The following GPD2 variants were observed in gnomAD, a reference collection of about 807,000 sequenced individuals.
The protein encoded by GPD2 is glycerol-3-phosphate dehydrogenase 2.
In GPD2, 54 loss-of-function variants were observed where a neutral mutation model predicts 82.4. The ratio of observed to expected loss-of-function variants is 0.66; its 90% CI spans 0.53 to 0.82. The LOEUF (loss-of-function observed/expected upper bound fraction) is 0.82. Ranked by LOEUF, GPD2 falls within the 40% of genes least tolerant of loss-of-function variation. GPD2 has a pLI of 0.00. For missense variants in GPD2, 748 were observed against 896.2 expected, an observed-to-expected ratio of 0.83 and a Z score of 2.11; for synonymous variants, 288 against 306.1, an observed-to-expected ratio of 0.94 and a Z score of 0.62.
At position 156,451,743 on chromosome 2, in the gene GPD2, G is replaced by A. The variant is rs561185815; in HGVS notation, c.-9+15230G>A. 3.3e-3 allele frequency among the ~76,000 whole-genome samples: 485 copies of A among 146,164 alleles called. 2 individuals are homozygous for A. Among genetic ancestry groups the A allele is most frequent in the South Asian group, 8.1e-3 (37 of 4,574 alleles). ...GACGGGGCGGCTGGCCGGGCGGGGG[G>A]CTGACCCCCCCACCTCCCTCCCAGA... On this transcript the variant is annotated intron_variant, in intron 1 of 16. Transcript: ENST00000438166.
At position 156,579,313 on chromosome 2, in the gene GPD2, T is replaced by G; in HGVS notation, c.1959+149T>G. ...ATTAGTGAAAGCATATTTATAATTT[T>G]TTTTCTTTTTTCTTTCTTTTTTTTT... On this transcript the variant is annotated intron_variant, in intron 15 of 16. Coordinates refer to ENST00000438166, the MANE Select transcript of GPD2 (RefSeq NM_000408.5). The G allele has an allele frequency of 5.1e-6, 3 of 591,440 alleles. No individual in the cohort carries two copies. In the South Asian group the frequency reaches 6.6e-5, roughly 13 times the overall value. The allele number at this position is 591,440 out of a possible 1,614,324, so 36.6% of individuals were successfully genotyped here.
At chr2:156,403,185 C>T in the GPD2 span, among the ~76,000 whole-genome samples, 4 of 150,002 alleles carry the variant, frequency 2.7e-5, no homozygotes, top group African/African-American at 9.8e-5. Context: ...TAGTGGCCTA[C>T]CTAAAGGCCT....
the GPD2 span, among the ~76,000 whole-genome samples, chr2:156,403,221 A>G: frequency 6.6e-6 from 1 of 151,696 alleles, no homozygotes; most frequent in African/African-American, 2.4e-5. Flanking sequence ...TTTTCTTGCT[A>G]AAAGTCCATT....
intron 13 of GPD2, among the ~76,000 whole-genome samples, chr2:156,577,030 C>T (rs1174227950): frequency 6.6e-6 from 1 of 152,144 alleles, no homozygotes; most frequent in Non-Finnish European, 1.5e-5. Context: ...TGCACACATA[C>T]ACACACACAA....
chr2:156,474,860 A>T (rs901230953), intron 1 of GPD2, among the ~76,000 whole-genome samples: 1 of 151,976 alleles, frequency 6.6e-6, no homozygotes, highest in Non-Finnish European at 1.5e-5. Flanking sequence ...TCATGTTTGT[A>T]ATCCTAGCAC....
At chr2:156,466,767 A>G (rs899788191) in intron 1 of GPD2, among the ~76,000 whole-genome samples, 15 of 152,234 alleles carry the variant, frequency 9.9e-5, no homozygotes, top group Non-Finnish European at 1.8e-4. Flanking sequence ...AATTTTTTAT[A>G]AACAGAGACT....
At chr2:156,531,905 T>C (rs931207057) in intron 6 of GPD2, among the ~76,000 whole-genome samples, 3 of 152,182 alleles carry the variant, frequency 2.0e-5, no homozygotes, top group Non-Finnish European at 4.4e-5. Flanking sequence ...CTCAGGCCCC[T>C]GCCTACTCCA....
At chr2:156,480,432 T>G (rs1353603106) in intron 2 of GPD2, among the ~76,000 whole-genome samples, 1 of 151,818 alleles carries the variant, frequency 6.6e-6, no homozygotes, top group Non-Finnish European at 1.5e-5. Context: ...CGGCACTGTT[T>G]AACACTTTTT....
chr2:156,578,763 TA>T (rs1211152382), intron 13 of GPD2, 125 bp from the exon 14 acceptor site: 28 of 671,530 alleles, frequency 4.2e-5, no homozygotes, highest in Non-Finnish European at 2.7e-6. Flanking sequence ...CTGGAAGAAA[TA>T]AAAAAATTGT....
rs1688200002 is a variant in GPD2 at position 156,585,889 on chromosome 2, G to A, written c.*2971G>A. ...CAAGTGTAAGCTCAGTGCTAGAGTG[G>A]ATATACACACCGCATGTTTTCATAT... On this transcript the variant is annotated 3_prime_UTR_variant, in exon 17 of 17. Coordinates refer to ENST00000438166, the MANE Select transcript of GPD2 (RefSeq NM_000408.5). The A allele has an allele frequency of 6.6e-6, 1 of 152,410 alleles. No homozygotes were observed. Among genetic ancestry groups the A allele is most frequent in the African/African-American group, 2.4e-5 (1 of 41,400 alleles). 9.4% of individuals were successfully genotyped at this position (152,410 alleles called of 1,614,324 possible).
intron 1 of GPD2, among the ~76,000 whole-genome samples, chr2:156,449,516 C>A (rs2105151662): frequency 6.6e-6 from 1 of 152,070 alleles, no homozygotes; most frequent in South Asian, 2.1e-4. Flanking sequence ...TTTGGAGGGC[C>A]ACAGACAATT....
intron 1 of GPD2, among the ~76,000 whole-genome samples, chr2:156,471,518 C>T (rs1415645284): frequency 6.6e-6 from 1 of 152,174 alleles, no homozygotes; most frequent in East Asian, 1.9e-4. Context: ...TCTAGCTGTA[C>T]ATCATCTCCA....
chr2:156,534,821 A>G (rs1686001319), intron 6 of GPD2, among the ~76,000 whole-genome samples: 1 of 152,292 alleles, frequency 6.6e-6, no homozygotes, highest in East Asian at 1.9e-4. Flanking sequence ...AAAAAAAAAA[A>G]AACTCTAACA....
chr2:156,490,765 A>G (rs1396565328), intron 2 of GPD2, among the ~76,000 whole-genome samples: 1 of 152,202 alleles, frequency 6.6e-6, no homozygotes, highest in Non-Finnish European at 1.5e-5. Flanking sequence ...TAAAATGAAG[A>G]TCTTAGTAGT....
chr2:156,451,920 C>G (rs1331466726), intron 1 of GPD2, among the ~76,000 whole-genome samples: 17 of 128,360 alleles, frequency 1.3e-4, no homozygotes, highest in African/African-American at 4.8e-4. Flanking sequence ...CAGACGGGGT[C>G]GCGGCCGGGC....
rs1156957132 is a variant in GPD2, at chr2:156,549,489, T to C, written c.662-119T>C. The C allele has an allele frequency of 6.7e-6, 6 of 890,492 alleles. 1 individual carries two copies. The highest frequency in any genetic ancestry group is 5.3e-5 in the South Asian group (4 of 75,382). The allele number at this position is 890,492 out of a possible 1,614,324, so 55.2% of individuals were successfully genotyped here. A position where few individuals can be genotyped will look rare whatever the true frequency, so the allele number is the denominator to read the frequency against. On this transcript the variant is annotated intron_variant, in intron 6 of 16. Transcript: ENST00000438166. The stretch of plus-strand genomic sequence containing the variant: ...TGTGCCCTGTCAAGCTGCCCAGCCA[T>C]CATGCATATCCTGGGTGACAGGGAC...
chr2:156,542,310 T>C (rs1232955525), intron 6 of GPD2, among the ~76,000 whole-genome samples: 1 of 152,142 alleles, frequency 6.6e-6, no homozygotes, highest in African/African-American at 2.4e-5. Context: ...ATGATGCAGG[T>C]CACATCCTGT....
intron 6 of GPD2, among the ~76,000 whole-genome samples, chr2:156,514,717 C>T (rs1216387201): frequency 6.6e-6 from 1 of 152,094 alleles, no homozygotes; most frequent in African/African-American, 2.4e-5. Context: ...CTTAGGTAAA[C>T]ATTAAAAGCT....
intron 8 of GPD2, among the ~76,000 whole-genome samples, chr2:156,553,122 C>T (rs1686825907): frequency 6.6e-6 from 1 of 151,962 alleles, no homozygotes; most frequent in African/African-American, 2.4e-5. Flanking sequence ...CTCCTGGCCT[C>T]AAGTGATCTG....
Sources: allele counts gnomAD v4.1 joint callset (sites outside exome capture counted in the v4.1 genomes callset), GRCh38; gene constraint gnomAD v4.1.1; transcripts MANE v1.5; gene names NCBI Gene and HGNC (gene_info 2026-07-23, HGNC 2026-07-21).